Variants in RNF4 observed in about 807,000 individuals in gnomAD.
The protein encoded by RNF4 is E3 ubiquitin-protein ligase RNF4.
RNF4 carries 7 observed loss-of-function variants against 24.3 expected under a neutral mutation model. The ratio of observed to expected loss-of-function variants is 0.29; its 90% CI spans 0.16 to 0.54. RNF4 has a LOEUF of 0.54. Ranked by LOEUF, RNF4 falls within the 20% of genes least tolerant of loss-of-function variation. The pLI, the probability that RNF4 is intolerant of heterozygous loss-of-function variation, is 0.95. For missense variants in RNF4, 209 were observed against 248.5 expected (o/e 0.84, Z 1.07); for synonymous variants, 83 against 84.3 (o/e 0.98, Z 0.09).
intron 1 of RNF4, among the ~76,000 whole-genome samples, chr4:2,472,033 A>G (rs1734923793): frequency 6.6e-6 from 1 of 151,636 alleles, no homozygotes; most frequent in Non-Finnish European, 1.5e-5. Flanking sequence ...CCTTATATGG[A>G]AAAAAAAATA....
At chr4:2,478,339 T>C (rs1171458959) in intron 1 of RNF4, among the ~76,000 whole-genome samples, 2 of 152,244 alleles carry the variant, frequency 1.3e-5, no homozygotes, top group Non-Finnish European at 2.9e-5. Flanking sequence ...TAAAGCCAGC[T>C]GCAGAGATTT....
chr4:2,482,668 T>C (rs2108754756), intron 1 of RNF4, among the ~76,000 whole-genome samples: 1 of 152,298 alleles, frequency 6.6e-6, no homozygotes, highest in African/African-American at 2.4e-5. Flanking sequence ...ATCGGGGCCA[T>C]AAGATAATTT....
intron 1 of RNF4, among the ~76,000 whole-genome samples, chr4:2,474,227 A>T (rs1734999377): frequency 6.6e-6 from 1 of 150,894 alleles, no homozygotes. Flanking sequence ...CACACAAAAA[A>T]ATTAGCCAGG....
chr4:2,513,094 C>T lies in RNF4; in HGVS notation c.386C>T (p.Thr129Ile), dbSNP rs1224065618. The T allele has an allele frequency of 6.2e-7, 1 of 1,613,870 alleles. No homozygotes were observed. The highest frequency in any genetic ancestry group is 1.3e-5 in the African/African-American group (1 of 75,044). Reference protein sequence around the residue: ...EGATGLRPSGTVSCPICMDGY... With the variant: ...EGATGLRPSGIVSCPICMDGY... ...CACTGTGCTCTTAGGCCCTCAGGTACTGTCAGTTGTCCCATCTGCATGGAC... is the reference window on the plus strand; with the variant it reads ...CACTGTGCTCTTAGGCCCTCAGGTATTGTCAGTTGTCCCATCTGCATGGAC... Residue 129 changes from threonine (T) to isoleucine (I), a missense_variant, in exon 7 of 8, where the codon ACT becomes ATT. Physicochemically the swap from Thr to Ile is moderately conservative, Grantham distance 89. Around this residue, in one of 3 missense-constraint regions of RNF4, gnomAD observed 182 missense variants for 197.2 expected, o/e 0.92. Coordinates refer to ENST00000314289, the MANE Select transcript of RNF4 (RefSeq NM_002938.5).
intron 1 of RNF4, among the ~76,000 whole-genome samples, chr4:2,481,668 A>G (rs75320995): frequency 0.01 from 1,547 of 151,938 alleles, 19 homozygotes; most frequent in African/African-American, 0.035. Context: ...GCCTGCTTTT[A>G]TCTTCCCTGG....
intron 1 of RNF4, among the ~76,000 whole-genome samples, chr4:2,485,054 C>G (rs372075250): frequency 2.0e-5 from 3 of 152,154 alleles, no homozygotes; most frequent in Non-Finnish European, 4.4e-5. Flanking sequence ...TGCTCCCTTC[C>G]GCCCACCCCA....
chr4:2,489,282 C>T (rs1735508828), intron 1 of RNF4, among the ~76,000 whole-genome samples: 2 of 152,268 alleles, frequency 1.3e-5, no homozygotes, highest in Admixed American at 6.5e-5. Flanking sequence ...AGACGGGCAC[C>T]CAGGGACAGG....
At chr4:2,505,275 T>C (rs1363016737) in intron 4 of RNF4, 1 of 152,054 alleles carries the variant, frequency 6.6e-6, no homozygotes, top group Non-Finnish European at 1.5e-5. Flanking sequence ...TCTCCAGTGC[T>C]GTCTGGAATA....
intron 1 of RNF4, among the ~76,000 whole-genome samples, chr4:2,486,693 C>T (rs773574528): frequency 2.0e-5 from 3 of 152,144 alleles, no homozygotes; most frequent in Admixed American, 1.3e-4. Context: ...CCACAAGGCA[C>T]ATCTTCAGCA....
intron 2 of RNF4, among the ~76,000 whole-genome samples, chr4:2,495,866 G>C (rs1578514509): frequency 1.3e-5 from 2 of 152,100 alleles, no homozygotes; most frequent in African/African-American, 4.8e-5. Flanking sequence ...CCTGACCTCT[G>C]GTGATCCGCC....
At chr4:2,509,948 C>A (rs762221294) in intron 4 of RNF4, among the ~76,000 whole-genome samples, 2 of 152,176 alleles carry the variant, frequency 1.3e-5, no homozygotes, top group Non-Finnish European at 2.9e-5. Flanking sequence ...CCCCAAGGGC[C>A]AGCACTGTTA....
intron 4 of RNF4, 148 bp downstream of exon 4, chr4:2,500,886 A>G: frequency 1.5e-6 from 1 of 670,756 alleles, no homozygotes; most frequent in Non-Finnish European, 2.6e-6. Context: ...GAGCTTTTAG[A>G]AAGAAAATAA....
intron 6 of RNF4, 39 bp from the exon 7 acceptor site, chr4:2,513,044 C>G: frequency 6.3e-7 from 1 of 1,598,640 alleles, no homozygotes; most frequent in Non-Finnish European, 8.6e-7. Flanking sequence ...AAAATGTTTG[C>G]GTTGACTGAG....
At chr4:2,477,769 C>T (rs1735125588) in intron 1 of RNF4, among the ~76,000 whole-genome samples, 1 of 152,120 alleles carries the variant, frequency 6.6e-6, no homozygotes, top group Non-Finnish European at 1.5e-5. Flanking sequence ...ATTGCCCAGT[C>T]TCAGGTATGT....
chr4:2,490,250 C>A, intron 1 of RNF4, 87 bp from the exon 2 acceptor site: 1 of 489,432 alleles, frequency 2.0e-6, no homozygotes, highest in Non-Finnish European at 3.7e-6. Context: ...AACCTAGGGA[C>A]AGGAAGGACC....
intron 1 of RNF4, among the ~76,000 whole-genome samples, chr4:2,476,252 A>G (rs908246141): frequency 3.3e-5 from 5 of 152,182 alleles, no homozygotes; most frequent in Non-Finnish European, 7.4e-5. Context: ...TACCTGCACT[A>G]AAATTTGCTT....
In RNF4 at chr4:2,512,459, A is replaced by G. The variant is rs1373968127; in HGVS notation, c.236A>G (p.Asn79Ser). The change falls in exon 6 of 8, where the codon AAT becomes AGT. Residue 79 changes from asparagine (N) to serine (S), a missense_variant. By Grantham distance (46) the Asn-to-Ser change is conservative. This residue lies in a region of RNF4 where 182 missense variants were observed against 197.2 expected (regional missense o/e 0.92). Transcript: ENST00000314289. The surrounding 1 kb of genome is among the most constrained non-coding windows in gnomAD (Gnocchi z 4.1). ...TTAGAAAGAAGAAGACCAAGGAGGAATGCTAGGAGGCTGCCCCAGGACCAT... is the reference window on the plus strand; with the variant it reads ...TTAGAAAGAAGAAGACCAAGGAGGAGTGCTAGGAGGCTGCCCCAGGACCAT... ...IVDERRRPRR[N>S]ARRLPQDHAD... 1.2e-6 allele frequency: 2 copies of G among 1,612,420 alleles called. No individual in the cohort carries two copies. Among genetic ancestry groups the G allele is most frequent in the Non-Finnish European group, 1.7e-6 (2 of 1,179,298 alleles).
At chr4:2,473,671 C>T (rs1442934894) in intron 1 of RNF4, among the ~76,000 whole-genome samples, 6 of 151,966 alleles carry the variant, frequency 3.9e-5, no homozygotes, top group African/African-American at 7.3e-5. Context: ...ATTAGCAGGG[C>T]GTGGTGGCGC....
At chr4:2,496,762 C>G (rs1340114614) in intron 2 of RNF4, among the ~76,000 whole-genome samples, 1 of 152,150 alleles carries the variant, frequency 6.6e-6, no homozygotes, top group African/African-American at 2.4e-5. Flanking sequence ...CCCAGCCGAC[C>G]TGCTGATAGT....
Sources: allele counts gnomAD v4.1 joint callset (sites outside exome capture counted in the v4.1 genomes callset), GRCh38; gene constraint gnomAD v4.1.1; regional missense constraint gnomAD v4.1.1; non-coding constraint Gnocchi (gnomAD v3.1); transcripts MANE v1.5; gene names NCBI Gene and HGNC (gene_info 2026-07-23, HGNC 2026-07-21).